The following CADM2 variants were observed in gnomAD, a reference collection of about 807,000 sequenced individuals.
CADM2 encodes the protein cell adhesion molecule 2, also known as immunoglobulin superfamily member 4D.
A neutral mutation model predicts 49.8 loss-of-function variants in CADM2; 12 were observed. The ratio of observed to expected loss-of-function variants is 0.24; its 90% CI spans 0.15 to 0.39. The LOEUF (loss-of-function observed/expected upper bound fraction) is 0.39. Among genes scored for constraint, CADM2 ranks in the 10% least tolerant of loss-of-function variants. The probability of loss-of-function intolerance (pLI) is 1.00; values close to 1 mark genes in which losing one functional copy is unlikely to be tolerated. For missense variants in CADM2, 378 were observed against 492.3 expected, an observed-to-expected ratio of 0.77 and a Z score of 2.20; for synonymous variants, 214 against 175.4, an observed-to-expected ratio of 1.22 and a Z score of -1.74.
At chr3:85,298,263 G>C (rs973161468) in intron 1 of CADM2, among the ~76,000 whole-genome samples, 1 of 152,120 alleles carries the variant, frequency 6.6e-6, no homozygotes, top group Admixed American at 6.6e-5. Context: ...AACACAGAGA[G>C]AGCTGTCAGT....
At chr3:85,451,228 A>G (rs959282567) in intron 1 of CADM2, among the ~76,000 whole-genome samples, 1 of 152,108 alleles carries the variant, frequency 6.6e-6, no homozygotes, top group South Asian at 2.1e-4. Context: ...AAAGACCAGG[A>G]AGTCTCTTTC....
At chr3:85,191,684 A>G (rs768047540) in intron 1 of CADM2, among the ~76,000 whole-genome samples, 1 of 152,134 alleles carries the variant, frequency 6.6e-6, no homozygotes, top group Non-Finnish European at 1.5e-5. Context: ...TGTCAAATAC[A>G]TAAACAAAGG....
chr3:85,688,746 T>G (rs1388226751), intron 1 of CADM2, among the ~76,000 whole-genome samples: 1 of 152,016 alleles, frequency 6.6e-6, no homozygotes, highest in Non-Finnish European at 1.5e-5. Flanking sequence ...TTTTGTATTT[T>G]TATTAGAGAT....
At chr3:85,767,942 T>C (rs2069744354) in intron 2 of CADM2, among the ~76,000 whole-genome samples, 1 of 152,140 alleles carries the variant, frequency 6.6e-6, no homozygotes, top group Non-Finnish European at 1.5e-5. Flanking sequence ...GTACAACAGA[T>C]TTATTAAAAT....
At chr3:85,069,485 G>T (rs146353619) in intron 1 of CADM2, among the ~76,000 whole-genome samples, 104 of 152,156 alleles carry the variant, frequency 6.8e-4, no homozygotes, top group African/African-American at 2.3e-3. Context: ...CAGGAGTCAA[G>T]ACATCCTTTA....
intron 2 of CADM2, among the ~76,000 whole-genome samples, chr3:85,740,164 T>C (rs549859149): frequency 6.6e-6 from 1 of 152,304 alleles, no homozygotes; most frequent in South Asian, 2.1e-4. Context: ...GTGGGTCACA[T>C]TTTGTTTTCT....
At chr3:85,992,120 T>C (rs1327854705) in intron 8 of CADM2, 1 of 151,856 alleles carries the variant, frequency 6.6e-6, no homozygotes, top group Admixed American at 6.6e-5. Context: ...TTTAAAATAC[T>C]AAACAAAATA....
chr3:85,759,741 A>G (rs769546359), intron 2 of CADM2, among the ~76,000 whole-genome samples: 8 of 152,112 alleles, frequency 5.3e-5, no homozygotes, highest in Non-Finnish European at 1.0e-4. Context: ...ACATAAAATT[A>G]TGGGATAGGA....
intron 1 of CADM2, among the ~76,000 whole-genome samples, chr3:85,469,958 A>G (rs2038693526): frequency 1.3e-5 from 2 of 152,108 alleles, no homozygotes; most frequent in Non-Finnish European, 2.9e-5. Flanking sequence ...CCAGGAAAAT[A>G]GCGTTTTTGG....
rs72914807 is a variant in CADM2, at chr3:85,702,713, G to T, written c.62-23809G>T. Among the ~76,000 whole-genome samples the T allele has an allele frequency of 3.9e-3, 586 of 152,090 alleles. 8 individuals are homozygous for T. The highest frequency in any genetic ancestry group is 0.013 in the African/African-American group (552 of 41,510). On this transcript the variant is annotated intron_variant, in intron 1 of 9. Transcript: ENST00000383699. Reference sequence around the variant, plus strand: ...TTTTCCAAAAATCAGTTTATTTCTTGAAATCTCCCGAAGAGGAAAAAAGAT... The same window carrying T: ...TTTTCCAAAAATCAGTTTATTTCTTTAAATCTCCCGAAGAGGAAAAAAGAT...
At chr3:85,367,006 T>C (rs1249437809) in intron 1 of CADM2, among the ~76,000 whole-genome samples, 1 of 152,032 alleles carries the variant, frequency 6.6e-6, no homozygotes. Flanking sequence ...TTCTGAAATG[T>C]ATTTTAACTG....
rs1326765511 is a variant in CADM2 at position 84,964,182 on chromosome 3, A to G, written c.61+4514A>G. ...TTAGAAGATAAGACATTTGAAAACT[A>G]TTTGTCACACAATTAAATAGTGGTA... On this transcript the variant is annotated intron_variant, in intron 1 of 9. Transcript: ENST00000383699. 4.6e-5 allele frequency among the ~76,000 whole-genome samples: 7 copies of G among 152,326 alleles called. 1 individual carries two copies. Among genetic ancestry groups the G allele is most frequent in the South Asian group, 4.1e-4 (2 of 4,826 alleles).
chr3:85,027,023 A>G (rs1220463701), intron 1 of CADM2, among the ~76,000 whole-genome samples: 4 of 147,496 alleles, frequency 2.7e-5, no homozygotes, highest in African/African-American at 1.0e-4. Flanking sequence ...ATCTTTTTCT[A>G]CTTAGTGCTC....
At chr3:85,584,175 A>T (rs1386751598) in intron 1 of CADM2, among the ~76,000 whole-genome samples, 1 of 152,082 alleles carries the variant, frequency 6.6e-6, no homozygotes, top group Non-Finnish European at 1.5e-5. Flanking sequence ...TAATATGTGT[A>T]TACTTCAGTT....
At chr3:85,298,441 C>A (rs142893960) in intron 1 of CADM2, among the ~76,000 whole-genome samples, 35 of 152,138 alleles carry the variant, frequency 2.3e-4, no homozygotes, top group Non-Finnish European at 4.6e-4. Context: ...TATGTGTTAT[C>A]CCTTCATTGA....
chr3:84,989,665 G>A (rs1168605091), intron 1 of CADM2, among the ~76,000 whole-genome samples: 1 of 152,016 alleles, frequency 6.6e-6, no homozygotes, highest in Admixed American at 6.6e-5. Flanking sequence ...AACCTGAGCT[G>A]CTTCTCACTA....
At chr3:85,350,296 A>G (rs780684437) in intron 1 of CADM2, among the ~76,000 whole-genome samples, 14 of 152,304 alleles carry the variant, frequency 9.2e-5, no homozygotes, top group Non-Finnish European at 1.8e-4. Context: ...ATAACTTTCT[A>G]TAATACTATG....
At chr3:85,860,896 C>A (rs138859573) in intron 3 of CADM2, among the ~76,000 whole-genome samples, 6 of 152,244 alleles carry the variant, frequency 3.9e-5, no homozygotes, top group Non-Finnish European at 8.8e-5. Context: ...ATGAAGTACA[C>A]ACACTCTGAG....
intron 1 of CADM2, among the ~76,000 whole-genome samples, chr3:85,452,711 C>T (rs984761858): frequency 3.3e-5 from 5 of 152,124 alleles, no homozygotes; most frequent in African/African-American, 1.2e-4. Flanking sequence ...CTCAGAAGAA[C>T]TGTCAAGGGC....
Sources: gnomAD v4.1 joint callset for allele counts (sites outside exome capture counted in the v4.1 genomes callset) on GRCh38, gnomAD v4.1.1 for gene constraint, MANE v1.5 for transcripts, NCBI Gene and HGNC (gene_info 2026-07-23, HGNC 2026-07-21) for gene names.